The following AP4E1 variants were observed in gnomAD, a reference collection of about 807,000 sequenced individuals.
The protein encoded by AP4E1 is adaptor related protein complex 4 subunit epsilon 1.
A neutral mutation model predicts 128.2 loss-of-function variants in AP4E1; 56 were observed. The ratio of observed to expected loss-of-function variants is 0.44; its 90% confidence interval spans 0.35 to 0.55. The LOEUF (loss-of-function observed/expected upper bound fraction) is 0.55, where lower values mean the gene tolerates loss of function less well. Among genes scored for constraint, AP4E1 ranks in the 20% least tolerant of loss-of-function variants. AP4E1 has a pLI of 0.00. For synonymous variants in AP4E1, 484 were observed against 473.1 expected, an observed-to-expected ratio of 1.02 and a Z score of -0.30; for missense variants, 1,324 against 1,307.7, an observed-to-expected ratio of 1.01 and a Z score of -0.19.
chr15:50,908,584 C>T (rs1270836411), upstream of AP4E1: 3 of 638,294 alleles, frequency 4.7e-6, no homozygotes, highest in Non-Finnish European at 7.0e-6. Flanking sequence ...CCTTTTCCAC[C>T]CCCGCGGTCT....
intron 14 of AP4E1, among the ~76,000 whole-genome samples, chr15:50,966,194 C>CAGAT (rs1434883633): frequency 2.6e-5 from 4 of 152,170 alleles, no homozygotes; most frequent in Non-Finnish European, 5.9e-5. Context: ...GCTGGGATTA[C>CAGAT]AGATGTGAGC....
At chr15:50,930,736 C>T (rs1006755568) in intron 6 of AP4E1, 69 bp from the exon 7 acceptor site, 12 of 1,468,944 alleles carry the variant, frequency 8.2e-6, no homozygotes, top group East Asian at 2.3e-5. Context: ...TTCTATATGA[C>T]ATTTCAATTA....
At chr15:50,933,578 T>G (rs59798270) in intron 7 of AP4E1, among the ~76,000 whole-genome samples, 13,959 of 151,768 alleles carry the variant, frequency 0.092, 972 homozygotes, top group African/African-American at 0.2. Context: ...CAATTTTTTT[T>G]GGGGGGCAGG....
At chr15:50,956,967 T>G (rs11633226) in intron 13 of AP4E1, among the ~76,000 whole-genome samples, 25,385 of 152,096 alleles carry the variant, frequency 0.17, 2,373 homozygotes, top group Admixed American at 0.27. Flanking sequence ...AGTGAGTCGC[T>G]TTTGGGCTCT....
At chr15:50,919,265 G>A (rs997851764) in intron 3 of AP4E1, among the ~76,000 whole-genome samples, 2 of 151,450 alleles carry the variant, frequency 1.3e-5, no homozygotes, top group South Asian at 2.1e-4. Context: ...AGGCACGGTG[G>A]CTCACACCTG....
intron 14 of AP4E1, 47 bp from the exon 15 acceptor site, chr15:50,968,216 T>C (rs1456478532): frequency 8.1e-7 from 1 of 1,238,904 alleles, no homozygotes; most frequent in Non-Finnish European, 1.2e-6. Flanking sequence ...ATAATCTACT[T>C]AGGATAAATT....
At chr15:50,947,382 C>T (rs1452839901) in intron 10 of AP4E1, among the ~76,000 whole-genome samples, 2 of 148,222 alleles carry the variant, frequency 1.3e-5, no homozygotes, top group African/African-American at 5.0e-5. Context: ...TACCACTGCA[C>T]TACAGCCTGG....
chr15:50,991,062 G>A (rs1016623126), intron 16 of AP4E1, among the ~76,000 whole-genome samples: 5 of 152,200 alleles, frequency 3.3e-5, no homozygotes, highest in African/African-American at 4.8e-5. Flanking sequence ...GAGTTGGACC[G>A]AGATGGATGG....
intron 3 of AP4E1, among the ~76,000 whole-genome samples, chr15:50,916,901 A>C (rs1280781480): frequency 6.6e-6 from 1 of 151,542 alleles, no homozygotes; most frequent in African/African-American, 2.4e-5. Context: ...AAAGGCAGGA[A>C]TTTTTTTTTC....
At chr15:50,978,648 T>C (rs537868155) in intron 15 of AP4E1, among the ~76,000 whole-genome samples, 4 of 152,218 alleles carry the variant, frequency 2.6e-5, no homozygotes, top group Non-Finnish European at 5.9e-5. Flanking sequence ...CGAAGGACTC[T>C]CTGCCTCCAG....
intron 19 of AP4E1, among the ~76,000 whole-genome samples, chr15:51,000,513 T>A (rs977776697): frequency 3.3e-5 from 5 of 152,198 alleles, no homozygotes; most frequent in African/African-American, 4.8e-5. Context: ...CCTGTGGTGC[T>A]GATAGGATAA....
chr15:50,929,711 T>C lies in AP4E1; in HGVS notation c.702+543T>C, dbSNP rs375409139. ...ATATACATATTTGTAACAGATTTCA[T>C]GGCACCTACTATAACAAAATAAAAT... On this transcript the variant is annotated intron_variant, in intron 6 of 20. Coordinates refer to ENST00000261842, the MANE Select transcript of AP4E1 (RefSeq NM_007347.5). Among the ~76,000 whole-genome samples, 43 of 152,332 alleles carry C rather than the reference T, an allele frequency of 2.8e-4. No individual in the cohort carries two copies. The East Asian group carries it at 7.3e-3, about 26-fold the overall frequency.
At chr15:50,919,938 G>A (rs1470372448) in intron 3 of AP4E1, among the ~76,000 whole-genome samples, 2 of 151,588 alleles carry the variant, frequency 1.3e-5, no homozygotes, top group Non-Finnish European at 2.9e-5. Context: ...TTAGCCTTGT[G>A]TGGTGGTACA....
chr15:50,918,251 G>A (rs1188764182), intron 3 of AP4E1: 1 of 152,182 alleles, frequency 6.6e-6, no homozygotes, highest in African/African-American at 2.4e-5. Context: ...ATGCTGATTA[G>A]ATTTTGTCTG....
intron 10 of AP4E1, chr15:50,945,863 A>G (rs3784304): frequency 0.24 from 203,156 of 851,514 alleles, 26,638 homozygotes; most frequent in East Asian, 0.41. Flanking sequence ...AAATCTATCT[A>G]CAGCCAGATT....
At chr15:51,000,323 T>C (rs899415071) in intron 19 of AP4E1, among the ~76,000 whole-genome samples, 4 of 151,998 alleles carry the variant, frequency 2.6e-5, no homozygotes, top group African/African-American at 9.7e-5. Context: ...GTGTTTTTTG[T>C]AGAGATAGGG....
At chr15:50,922,321 G>A (rs1180363731) in intron 3 of AP4E1, among the ~76,000 whole-genome samples, 2 of 152,058 alleles carry the variant, frequency 1.3e-5, no homozygotes, top group African/African-American at 4.8e-5. Flanking sequence ...GATGGAGTGA[G>A]ACTCTGTCTC....
chr15:50,945,021 G>A, intron 10 of AP4E1: 5 of 773,852 alleles, frequency 6.5e-6, no homozygotes, highest in Non-Finnish European at 1.2e-5. Context: ...TCACTTTTGT[G>A]GGACTTCTTT....
chr15:50,909,494 C>T (rs1286554937), intron 1 of AP4E1, among the ~76,000 whole-genome samples: 3 of 152,186 alleles, frequency 2.0e-5, no homozygotes, highest in Non-Finnish European at 4.4e-5. Flanking sequence ...AAAGAAAAAG[C>T]ACAGTTCTCT....
Sources: allele counts gnomAD v4.1 joint callset (sites outside exome capture counted in the v4.1 genomes callset), GRCh38; gene constraint gnomAD v4.1.1; transcripts MANE v1.5; gene names NCBI Gene and HGNC (gene_info 2026-07-23, HGNC 2026-07-21).